CLDN10: variants seen among roughly 807,000 people sequenced by gnomAD.
CLDN10 encodes the protein claudin-10.
Under a neutral mutation model 22.9 loss-of-function variants are expected in CLDN10, and 15 were observed. That is an observed-to-expected ratio of 0.65 (90% CI 0.44 to 1.01). The LOEUF is 1.01. Ranked by LOEUF, CLDN10 falls within the 50% of genes least tolerant of loss-of-function variation. CLDN10 has a pLI of 0.00. For missense variants in CLDN10, 247 were observed against 287.8 expected, an observed-to-expected ratio of 0.86 and a Z score of 1.03; for synonymous variants, 114 against 111.4, an observed-to-expected ratio of 1.02 and a Z score of -0.15.
At chr13:95,573,066 A>G (rs1468879180) in intron 3 of CLDN10, among the ~76,000 whole-genome samples, 1 of 152,256 alleles carries the variant, frequency 6.6e-6, no homozygotes, top group East Asian at 1.9e-4. Flanking sequence ...GCCATGGGCA[A>G]CAGCCTACAG....
At chr13:95,453,539 C>T (rs557102410) in intron 1 of CLDN10, among the ~76,000 whole-genome samples, 2 of 152,122 alleles carry the variant, frequency 1.3e-5, no homozygotes, top group East Asian at 1.9e-4. Flanking sequence ...AAAAACTTAG[C>T]GGGTTATGGT....
intron 1 of CLDN10, among the ~76,000 whole-genome samples, chr13:95,487,079 A>G (rs766901920): frequency 7.9e-5 from 12 of 152,158 alleles, no homozygotes; most frequent in Non-Finnish European, 1.5e-4. Flanking sequence ...ACCTACACCT[A>G]TGGGTGTTCT....
At chr13:95,545,878 G>T (rs539405210) in intron 1 of CLDN10, among the ~76,000 whole-genome samples, 1 of 152,238 alleles carries the variant, frequency 6.6e-6, no homozygotes, top group African/African-American at 2.4e-5. Flanking sequence ...GGCTAGCTCC[G>T]TTTGGCTGAG....
At chr13:95,562,989 A>G (rs1196554796) in intron 3 of CLDN10, among the ~76,000 whole-genome samples, 1 of 151,998 alleles carries the variant, frequency 6.6e-6, no homozygotes, top group African/African-American at 2.4e-5. Context: ...CAGTTCAGTA[A>G]TTAGGTGCTA....
intron 3 of CLDN10, among the ~76,000 whole-genome samples, chr13:95,567,803 G>A (rs910682322): frequency 3.9e-5 from 6 of 152,094 alleles, no homozygotes; most frequent in Admixed American, 6.5e-5. Flanking sequence ...CCATCAATAC[G>A]TAGTTTATTG....
chr13:95,498,272 T>G (rs888371394), intron 1 of CLDN10, among the ~76,000 whole-genome samples: 3 of 152,234 alleles, frequency 2.0e-5, no homozygotes, highest in Admixed American at 6.5e-5. Context: ...CAGATCCTCA[T>G]TCCTTTAGAT....
Position 95,560,452 on chromosome 13 carries a change from T to C in CLDN10, c.453T>C (p.Phe151=). 6.2e-7 allele frequency: 1 copy of C among 1,613,056 alleles called. No homozygotes were observed. The highest frequency in any genetic ancestry group is 1.1e-5 in the South Asian group (1 of 91,064). The change falls in exon 3 of 5, where the codon TTT becomes TTC. Residue 151 remains phenylalanine, a synonymous_variant. Transcript: ENST00000299339. ...CAACGGAATTCTTTGATCCTCTCTTTGTTGAGCAAAAGTAAGTACTCTTCT... is the reference window on the plus strand; with the variant it reads ...CAACGGAATTCTTTGATCCTCTCTTCGTTGAGCAAAAGTAAGTACTCTTCT... ...KITTEFFDPL[F]VEQKYELGAA... is the part of the protein sequence containing the mutation.
At position 95,571,291 on chromosome 13, in the gene CLDN10, A is replaced by T. The variant is rs189995184; in HGVS notation, c.465-5940A>T. Reference sequence around the variant, plus strand: ...TGTCTGTTATAATCTAGCCACAGAAAAGCAGTTTTTTTGTTTAGGTACCCC... The same window carrying T: ...TGTCTGTTATAATCTAGCCACAGAATAGCAGTTTTTTTGTTTAGGTACCCC... On this transcript the variant is annotated intron_variant, in intron 3 of 4. Transcript: ENST00000299339. Among the ~76,000 whole-genome samples the T allele has an allele frequency of 1.2e-3, 178 of 152,266 alleles. 1 individual carries two copies. The highest frequency in any genetic ancestry group is 4.1e-3 in the African/African-American group (169 of 41,558).
chr13:95,552,670 G>A (rs1450480022), upstream of CLDN10: 19 of 1,430,226 alleles, frequency 1.3e-5, no homozygotes, highest in Non-Finnish European at 1.6e-5. Context: ...AGGCGGAGGC[G>A]GGAGGCGGAG....
At chr13:95,498,908 C>T (rs2042955112) in intron 1 of CLDN10, among the ~76,000 whole-genome samples, 1 of 152,214 alleles carries the variant, frequency 6.6e-6, no homozygotes, top group Admixed American at 6.5e-5. Context: ...GCCGGGCAAC[C>T]ACCGTTCTAT....
intron 1 of CLDN10, among the ~76,000 whole-genome samples, chr13:95,530,724 T>C (rs2043333372): frequency 6.6e-6 from 1 of 152,196 alleles, no homozygotes; most frequent in Admixed American, 6.5e-5. Flanking sequence ...TCCATATGTT[T>C]TCCTAAAGTA....
Position 95,471,440 on chromosome 13 carries a change from CAT to C in CLDN10, c.214+37406_214+37407del, listed in dbSNP as rs1555289814. Among the ~76,000 whole-genome samples the C allele has an allele frequency of 2.7e-4, 28 of 104,380 alleles. No individual in the cohort carries two copies. The South Asian group carries it at 2.8e-3, about 10-fold the overall frequency. 68.5% of individuals were successfully genotyped at this position (104,380 alleles called of 152,430 possible). A position where few individuals can be genotyped will look rare whatever the true frequency, so the allele number is the denominator to read the frequency against. On this transcript the variant is annotated intron_variant, in intron 1 of 4. Transcript: ENST00000376873. ...ATATACACACACACACACACACACA[CAT>C]ATATATATATATTTTTTTTTTTTTT...
chr13:95,501,218 G>A (rs2042981174), intron 1 of CLDN10, among the ~76,000 whole-genome samples: 1 of 151,936 alleles, frequency 6.6e-6, no homozygotes, highest in Admixed American at 6.6e-5. Flanking sequence ...TTCACCATGT[G>A]GATCAGGCTG....
intron 3 of CLDN10, among the ~76,000 whole-genome samples, chr13:95,563,271 A>T (rs1332102127): frequency 6.6e-6 from 1 of 152,014 alleles, no homozygotes; most frequent in African/African-American, 2.4e-5. Context: ...ACCTTGTATT[A>T]GCTCTTATTG....
chr13:95,516,981 TC>T (rs1566312298), intron 1 of CLDN10, among the ~76,000 whole-genome samples: 3 of 7,596 alleles, frequency 3.9e-4, no homozygotes, highest in Non-Finnish European at 1.2e-3. Flanking sequence ...CTTCCTTCCT[TC>T]CTTCCTTCCT....
At chr13:95,455,710 A>G (rs79774451) in intron 1 of CLDN10, among the ~76,000 whole-genome samples, 13,795 of 152,196 alleles carry the variant, frequency 0.091, 888 homozygotes, top group South Asian at 0.22. Context: ...TTTGGACTCA[A>G]TAACACTTTT....
At chr13:95,519,838 G>A (rs1277343873) in intron 1 of CLDN10, among the ~76,000 whole-genome samples, 3 of 152,192 alleles carry the variant, frequency 2.0e-5, no homozygotes, top group Non-Finnish European at 4.4e-5. Context: ...TAGGTAAAGA[G>A]GAAAGGGAGA....
At chr13:95,551,495 G>A (rs1053201120), upstream of CLDN10, among the ~76,000 whole-genome samples, 3 of 151,708 alleles carry the variant, frequency 2.0e-5, no homozygotes, top group Admixed American at 6.6e-5. Flanking sequence ...TCACCTTGTC[G>A]CCTCTAATTT....
intron 1 of CLDN10, among the ~76,000 whole-genome samples, chr13:95,524,399 A>G (rs1156999957): frequency 2.0e-5 from 3 of 152,214 alleles, no homozygotes; most frequent in Admixed American, 6.5e-5. Flanking sequence ...AACCAACATC[A>G]TGGAATTGTG....
Sources: allele counts gnomAD v4.1 joint callset (sites outside exome capture counted in the v4.1 genomes callset), GRCh38; gene constraint gnomAD v4.1.1; transcripts MANE v1.5; gene names NCBI Gene and HGNC (gene_info 2026-07-23, HGNC 2026-07-21).